The following CPD variants were observed in gnomAD, a reference collection of about 807,000 sequenced individuals.
The protein encoded by CPD is metallocarboxypeptidase D.
In CPD, 69 loss-of-function variants were observed where a neutral mutation model predicts 138.3. The observed-to-expected ratio is 0.50, with a 90% CI of 0.41 to 0.61. The LOEUF (loss-of-function observed/expected upper bound fraction) is 0.61, where lower values mean the gene tolerates loss of function less well. Ranked by LOEUF, CPD falls within the 20% of genes least tolerant of loss-of-function variation. CPD has a pLI of 0.00. For missense variants in CPD, 1,432 were observed against 1,733.3 expected (o/e 0.83, Z 3.09); for synonymous variants, 651 against 642.1 (o/e 1.01, Z -0.21).
intron 14 of CPD, among the ~76,000 whole-genome samples, 170 bp downstream of exon 14, chr17:30,452,016 A>T (rs571880367): frequency 2.7e-4 from 41 of 152,242 alleles, no homozygotes; most frequent in Non-Finnish European, 6.0e-4. Flanking sequence ...ATTTTTCTCC[A>T]TTATTATTTG....
chr17:30,464,521 TG>T, intron 20 of CPD, 66 bp from the exon 21 acceptor site: 1 of 1,285,896 alleles, frequency 7.8e-7, no homozygotes, highest in Non-Finnish European at 1.1e-6. Flanking sequence ...AAAGTTCCAT[TG>T]TAAGCGGCTG....
Position 30,427,867 on chromosome 17 carries a change from C to G in CPD, c.2017+309C>G, listed in dbSNP as rs1170677768. On this transcript the variant is annotated intron_variant, in intron 7 of 20. Coordinates refer to ENST00000225719, the MANE Select transcript of CPD (RefSeq NM_001304.5). ...CTTTCCCTTCTCTTACCTCCTCTCC[C>G]CTTTCTTCTCTGTCTTGTCTTTTTT... 2.0e-5 allele frequency among the ~76,000 whole-genome samples: 3 copies of G among 151,394 alleles called. No individual in the cohort carries two copies. In the East Asian group the frequency reaches 5.8e-4, roughly 29 times the overall value.
At chr17:30,388,186 A>G (rs1359840700) in intron 2 of CPD, among the ~76,000 whole-genome samples, 5 of 152,112 alleles carry the variant, frequency 3.3e-5, no homozygotes, top group Non-Finnish European at 7.4e-5. Context: ...GAGGAAGTGT[A>G]TGCCGATTGG....
At chr17:30,396,386 A>C (rs1013765712) in intron 2 of CPD, among the ~76,000 whole-genome samples, 1 of 152,008 alleles carries the variant, frequency 6.6e-6, no homozygotes, top group African/African-American at 2.4e-5. Context: ...AAAAAAAAAA[A>C]CAAAAAAAAC....
At chr17:30,439,368 C>CTTTTTTTT (rs71138888) in intron 9 of CPD, among the ~76,000 whole-genome samples, 1 of 140,860 alleles carries the variant, frequency 7.1e-6, no homozygotes, top group Non-Finnish European at 1.5e-5. Context: ...TATTTGAATT[C>CTTTTTTTT]TTTTTTTTCT....
chr17:30,395,371 A>G (rs920077165), intron 2 of CPD, among the ~76,000 whole-genome samples: 1 of 152,182 alleles, frequency 6.6e-6, no homozygotes, highest in South Asian at 2.1e-4. Flanking sequence ...GATCTTGCAC[A>G]TTAAAGACCT....
At chr17:30,403,842 C>T (rs12453652) in intron 2 of CPD, among the ~76,000 whole-genome samples, 74,428 of 151,926 alleles carry the variant, frequency 0.49, 18,676 homozygotes, top group East Asian at 0.82. Flanking sequence ...CAGCTTTAAT[C>T]ACCAAAAAAC....
At chr17:30,462,347 A>C (rs759157235) in intron 19 of CPD, 23 bp from the exon 20 acceptor site, 2 of 1,594,568 alleles carry the variant, frequency 1.3e-6, no homozygotes, top group Non-Finnish European at 1.7e-6. Context: ...ATTTGTCATG[A>C]TTCTTACACT....
chr17:30,445,689 A>G lies in CPD; in HGVS notation c.2544-2A>G. The stretch of plus-strand genomic sequence containing the variant: ...GGTTCTGATCTGTCTCCTTTATCAT[A>G]GGTATAATCCAGTTACCAAGAATGT... On this transcript the variant is annotated splice_acceptor_variant, in intron 11 of 20. Coordinates refer to ENST00000225719, the MANE Select transcript of CPD (RefSeq NM_001304.5). LOFTEE classifies it high-confidence loss of function. 5 of 1,587,456 alleles carry G rather than the reference A, an allele frequency of 3.1e-6. No homozygotes were observed. Among genetic ancestry groups the G allele is most frequent in the Non-Finnish European group, 4.3e-6 (5 of 1,164,510 alleles).
chr17:30,461,092 C>G, intron 17 of CPD, 88 bp from the exon 18 acceptor site: 1 of 1,040,270 alleles, frequency 9.6e-7, no homozygotes. Context: ...GTTTTCTTTT[C>G]ATTTACTCCA....
In CPD at chr17:30,464,796, A is replaced by T. The variant is rs747499990; in HGVS notation, c.4125A>T (p.Leu1375Phe). 5 of 1,613,632 alleles carry T rather than the reference A, an allele frequency of 3.1e-6. No individual in the cohort carries two copies. The highest frequency in any genetic ancestry group is 4.2e-6 in the Non-Finnish European group (5 of 1,179,732). Residue 1375 changes from leucine (L) to phenylalanine (F), a missense_variant, in exon 21 of 21, where the codon TTA (leucine) becomes TTT (phenylalanine). Around this residue, in one of 6 missense-constraint regions of CPD, gnomAD observed 366 missense variants for 518.8 expected, o/e 0.71. Transcript: ENST00000225719. ...QDETDTEEET[L>F]YSSKH Reference sequence around the variant, plus strand: ...AAACAGACACTGAAGAGGAAACATTATATTCTAGCAAACATTGAAAAACAC... The same window carrying T: ...AAACAGACACTGAAGAGGAAACATTTTATTCTAGCAAACATTGAAAAACAC...
At chr17:30,446,998 C>T (rs1224318472) in intron 12 of CPD, among the ~76,000 whole-genome samples, 2 of 152,158 alleles carry the variant, frequency 1.3e-5, no homozygotes, top group Non-Finnish European at 1.5e-5. Flanking sequence ...TGTTCATATC[C>T]TTCACCCACT....
chr17:30,423,120 A>AT, intron 5 of CPD, 97 bp downstream of exon 5: 2 of 888,658 alleles, frequency 2.3e-6, no homozygotes, highest in East Asian at 5.4e-5. Context: ...TACAGTTTGT[A>AT]TAACTGGCAT....
At chr17:30,458,518 A>C (rs564849373) in intron 17 of CPD, among the ~76,000 whole-genome samples, 2 of 151,830 alleles carry the variant, frequency 1.3e-5, no homozygotes, top group Non-Finnish European at 2.9e-5. Context: ...GGCGGGGTAC[A>C]TGGCCCCCCT....
At chr17:30,405,662 G>C (rs539439996) in intron 2 of CPD, among the ~76,000 whole-genome samples, 1 of 152,002 alleles carries the variant, frequency 6.6e-6, no homozygotes, top group Non-Finnish European at 1.5e-5. Context: ...TATACCTGAA[G>C]TGAACTGCTT....
At chr17:30,421,490 A>G (rs1346510996) in intron 3 of CPD, among the ~76,000 whole-genome samples, 174 bp from the exon 4 acceptor site, 1 of 152,236 alleles carries the variant, frequency 6.6e-6, no homozygotes, top group African/African-American at 2.4e-5. Context: ...CTTAAGTTTA[A>G]GGATTTAATA....
At chr17:30,457,364 A>G (rs6505188) in intron 17 of CPD, among the ~76,000 whole-genome samples, 94,349 of 152,098 alleles carry the variant, frequency 0.62, 30,737 homozygotes, top group East Asian at 0.83. Context: ...TTCATGTGTC[A>G]ATGGGCACTT....
chr17:30,462,187 G>A lies in CPD; in HGVS notation c.3816+125G>A, dbSNP rs1597739705. The A allele has an allele frequency of 4.6e-6, 5 of 1,093,238 alleles. No homozygotes were observed. The East Asian group carries it at 1.3e-4, about 28-fold the overall frequency. The allele number at this position is 1,093,238 out of a possible 1,614,324, so 67.7% of individuals were successfully genotyped here. On this transcript the variant is annotated intron_variant, in intron 19 of 20. Coordinates refer to ENST00000225719, the MANE Select transcript of CPD (RefSeq NM_001304.5). ...GAAATTAAAAGTGTGACTGCCTCTT[G>A]ATTATGATATCTTGTTATCCTTGTA... is the stretch of plus-strand genomic sequence containing the variant.
At chr17:30,423,818 A>G (rs1168054345) in intron 6 of CPD, 121 bp downstream of exon 6, 8 of 738,542 alleles carry the variant, frequency 1.1e-5, no homozygotes, top group South Asian at 8.0e-5. Flanking sequence ...CTTTTAATTT[A>G]TGATTGATTT....
Sources: gnomAD v4.1 joint callset for allele counts (sites outside exome capture counted in the v4.1 genomes callset) on GRCh38, gnomAD v4.1.1 for gene constraint, gnomAD v4.1.1 regional missense constraint, MANE v1.5 for transcripts, NCBI Gene and HGNC (gene_info 2026-07-23, HGNC 2026-07-21) for gene names.